Variants in TRPC4 observed in about 807,000 individuals in gnomAD.
The protein encoded by TRPC4 is transient receptor potential cation channel subfamily C member 4, also known as short transient receptor potential channel 4.
Under a neutral mutation model 99.4 loss-of-function variants are expected in TRPC4, and 49 were observed. The observed-to-expected ratio is 0.49, with a 90% confidence interval of 0.39 to 0.63. The LOEUF is 0.63. Ranked by LOEUF, TRPC4 falls within the 20% of genes least tolerant of loss-of-function variation. The pLI is 0.00. For synonymous variants in TRPC4, 454 were observed against 425.9 expected (o/e 1.07, Z -0.81); for missense variants, 898 against 1,152.9 (o/e 0.78, Z 3.20).
At chr13:37,851,205 TC>T (rs1375449048) in intron 1 of TRPC4, among the ~76,000 whole-genome samples, 1 of 152,312 alleles carries the variant, frequency 6.6e-6, no homozygotes, top group South Asian at 2.1e-4. Flanking sequence ...CTCCAGTCAT[TC>T]CAGCCTGTGA....
intron 2 of TRPC4, among the ~76,000 whole-genome samples, chr13:37,781,883 T>C (rs1956850934): frequency 6.6e-6 from 1 of 150,974 alleles, no homozygotes; most frequent in South Asian, 2.1e-4. Flanking sequence ...GCAAAGATTC[T>C]GATAAAAGTC....
chr13:37,712,077 G>C (rs1249357056), intron 3 of TRPC4, among the ~76,000 whole-genome samples: 1 of 151,892 alleles, frequency 6.6e-6, no homozygotes, highest in African/African-American at 2.4e-5. Context: ...GTGGCTAGTG[G>C]CTACGATATT....
chr13:37,665,196 C>T, intron 5 of TRPC4, among the ~76,000 whole-genome samples: 1 of 152,128 alleles, frequency 6.6e-6, no homozygotes, highest in East Asian at 1.9e-4. Flanking sequence ...ATCACATTGT[C>T]CTTCCTTTCC....
intron 8 of TRPC4, among the ~76,000 whole-genome samples, chr13:37,646,575 T>C (rs1455756888): frequency 1.3e-5 from 2 of 152,218 alleles, no homozygotes; most frequent in Non-Finnish European, 2.9e-5. Flanking sequence ...ATCTACTATG[T>C]ACTCACACGA....
At chr13:37,734,024 C>A (rs545871730) in intron 3 of TRPC4, among the ~76,000 whole-genome samples, 1 of 152,156 alleles carries the variant, frequency 6.6e-6, no homozygotes, top group South Asian at 2.1e-4. Context: ...ACTTGCCCAG[C>A]AGAGATAAAA....
chr13:37,764,514 GAA>G (rs1956306862), intron 2 of TRPC4, among the ~76,000 whole-genome samples: 3 of 151,176 alleles, frequency 2.0e-5, no homozygotes, highest in Admixed American at 1.3e-4. Flanking sequence ...CAAATTATCT[GAA>G]CATACTTTTA....
chr13:37,648,255 A>G (rs533745354), intron 8 of TRPC4, among the ~76,000 whole-genome samples: 5 of 152,192 alleles, frequency 3.3e-5, no homozygotes, highest in Non-Finnish European at 5.9e-5. Context: ...TTATACTTTT[A>G]TAAGCAAGAA....
chr13:37,745,536 ACG>A (rs1159426905), intron 3 of TRPC4, among the ~76,000 whole-genome samples: 7 of 74,234 alleles, frequency 9.4e-5, no homozygotes, highest in African/African-American at 1.7e-4. Context: ...ATGTATATAT[ACG>A]TATATATATA....
chr13:37,842,785 T>G (rs1293928763), intron 1 of TRPC4, among the ~76,000 whole-genome samples: 1 of 152,200 alleles, frequency 6.6e-6, no homozygotes, highest in Non-Finnish European at 1.5e-5. Context: ...AGCATATAAA[T>G]TTTTAGAGGG....
chr13:37,638,923 A>C, intron 10 of TRPC4, 117 bp downstream of exon 10: 2 of 1,014,120 alleles, frequency 2.0e-6, no homozygotes, highest in South Asian at 2.9e-5. Context: ...AAAAATCAGA[A>C]GCCACACAGG....
At chr13:37,850,083 C>T (rs1959016516) in intron 1 of TRPC4, among the ~76,000 whole-genome samples, 2 of 152,180 alleles carry the variant, frequency 1.3e-5, no homozygotes, top group Admixed American at 1.3e-4. Context: ...ATCTGCAGAG[C>T]ATCTTTAATA....
rs529625001 is a variant in TRPC4, at chr13:37,794,206, G to T, written c.-27-10846C>A. On this transcript the variant is annotated intron_variant, in intron 1 of 10. Transcript: ENST00000379705. ...AAAGGTTACATATGGGTAATTGGTGGTTTTTTTTGTTGTTTAATAATGAGA... is the reference window on the plus strand; with the variant it reads ...AAAGGTTACATATGGGTAATTGGTGTTTTTTTTTGTTGTTTAATAATGAGA... 2.1e-3 allele frequency among the ~76,000 whole-genome samples: 325 copies of T among 151,620 alleles called. 2 individuals carry two copies. Among genetic ancestry groups the T allele is most frequent in the African/African-American group, 7.6e-3 (313 of 41,314 alleles).
At chr13:37,720,060 G>T (rs563080972) in intron 3 of TRPC4, among the ~76,000 whole-genome samples, 3 of 152,104 alleles carry the variant, frequency 2.0e-5, no homozygotes, top group Non-Finnish European at 2.9e-5. Context: ...TGCTACTATT[G>T]CTGGCTTTAA....
chr13:37,652,777 C>T (rs1447638757), intron 7 of TRPC4, among the ~76,000 whole-genome samples: 2 of 982 alleles, frequency 2.0e-3, no homozygotes, highest in Non-Finnish European at 9.6e-3. Flanking sequence ...AAAGCATTGG[C>T]CTGTGGATAG....
At chr13:37,858,449 A>G (rs969214695) in intron 1 of TRPC4, among the ~76,000 whole-genome samples, 11 of 149,470 alleles carry the variant, frequency 7.4e-5, no homozygotes, top group Non-Finnish European at 1.3e-4. Flanking sequence ...AAAACGTATC[A>G]GTATATCGAA....
At chr13:37,700,353 G>A (rs749228022) in intron 3 of TRPC4, among the ~76,000 whole-genome samples, 6 of 152,126 alleles carry the variant, frequency 3.9e-5, no homozygotes, top group African/African-American at 7.2e-5. Context: ...TTCCATGAAT[G>A]GGCTGGTTCT....
intron 1 of TRPC4, among the ~76,000 whole-genome samples, chr13:37,806,337 A>G (rs1263402754): frequency 6.6e-6 from 1 of 152,094 alleles, no homozygotes; most frequent in East Asian, 1.9e-4. Flanking sequence ...ACACAGTGTG[A>G]GTTCCATCTG....
chr13:37,706,491 T>C (rs1954281715), intron 3 of TRPC4, among the ~76,000 whole-genome samples: 1 of 152,136 alleles, frequency 6.6e-6, no homozygotes, highest in Non-Finnish European at 1.5e-5. Flanking sequence ...TTTTTTATTA[T>C]TATACTTTTA....
chr13:37,838,750 T>C (rs182852880), intron 1 of TRPC4, among the ~76,000 whole-genome samples: 10 of 152,306 alleles, frequency 6.6e-5, no homozygotes, highest in Admixed American at 5.9e-4. Flanking sequence ...CTTACTCTTG[T>C]ATAGAGAGAA....
Sources: allele counts gnomAD v4.1 joint callset (sites outside exome capture counted in the v4.1 genomes callset), GRCh38; gene constraint gnomAD v4.1.1; transcripts MANE v1.5; gene names NCBI Gene and HGNC (gene_info 2026-07-23, HGNC 2026-07-21).